THBS4: variants seen among roughly 807,000 people sequenced by gnomAD.
THBS4 encodes the protein thrombospondin-4.
THBS4 carries 90 observed loss-of-function variants against 115.7 expected under a neutral mutation model. That is an observed-to-expected ratio of 0.78 (90% confidence interval 0.66 to 0.93). THBS4 has a LOEUF of 0.93. THBS4 is among the 40% of genes least tolerant of loss of function. THBS4 has a pLI of 0.00. For missense variants in THBS4, 1,087 were observed against 1,232.7 expected, an observed-to-expected ratio of 0.88 and a Z score of 1.77; for synonymous variants, 460 against 479.3, an observed-to-expected ratio of 0.96 and a Z score of 0.53.
At chr5:80,042,926 G>T (rs980952082) in intron 2 of THBS4, among the ~76,000 whole-genome samples, 1 of 151,896 alleles carries the variant, frequency 6.6e-6, no homozygotes, top group Non-Finnish European at 1.5e-5. Flanking sequence ...AGATTGTGCC[G>T]CTGCACTCCA....
chr5:80,075,773 A>G (rs1240782800), intron 15 of THBS4, among the ~76,000 whole-genome samples: 1 of 152,226 alleles, frequency 6.6e-6, no homozygotes, highest in Non-Finnish European at 1.5e-5. Context: ...TAATGGAAAT[A>G]GCTCAGTCTT....
intron 2 of THBS4, among the ~76,000 whole-genome samples, chr5:80,012,722 A>T (rs1172910933): frequency 6.6e-6 from 1 of 152,176 alleles, no homozygotes; most frequent in Non-Finnish European, 1.5e-5. Flanking sequence ...GAGTGTCCCC[A>T]CACCAAACAC....
chr5:80,047,290 C>T (rs1397049008), intron 2 of THBS4, among the ~76,000 whole-genome samples: 1 of 152,142 alleles, frequency 6.6e-6, no homozygotes, highest in African/African-American at 2.4e-5. Flanking sequence ...GTGTCTAGTC[C>T]TGGACACATT....
chr5:80,021,836 A>T (rs1322383298), intron 2 of THBS4, among the ~76,000 whole-genome samples: 3 of 152,066 alleles, frequency 2.0e-5, no homozygotes, highest in East Asian at 1.9e-4. Flanking sequence ...TTTTCATTCA[A>T]CTTTTTTGTA....
chr5:80,040,933 ACT>A (rs17886994), intron 2 of THBS4, among the ~76,000 whole-genome samples: 2,127 of 152,026 alleles, frequency 0.014, 48 homozygotes, highest in African/African-American at 0.048. Flanking sequence ...ATAATAACCC[ACT>A]CTCTCAAGAA....
At chr5:80,047,055 G>A (rs528099946) in intron 2 of THBS4, among the ~76,000 whole-genome samples, 1 of 152,220 alleles carries the variant, frequency 6.6e-6, no homozygotes, top group Non-Finnish European at 1.5e-5. Context: ...TCTGTCCTAA[G>A]AGTTCTCTAA....
intron 4 of THBS4, 133 bp downstream of exon 4, chr5:80,058,447 C>G: frequency 1.4e-6 from 1 of 692,120 alleles, no homozygotes; most frequent in Non-Finnish European, 2.4e-6. Context: ...GAAAATCAGT[C>G]TCTTGAACAA....
intron 2 of THBS4, among the ~76,000 whole-genome samples, chr5:80,044,041 T>C (rs931613064): frequency 6.6e-6 from 1 of 152,190 alleles, no homozygotes; most frequent in African/African-American, 2.4e-5. Flanking sequence ...GTCTGCTCCC[T>C]CGACACATAT....
chr5:80,025,201 CAGAAAA>C (rs754897919), intron 2 of THBS4, among the ~76,000 whole-genome samples: 3 of 152,038 alleles, frequency 2.0e-5, no homozygotes, highest in East Asian at 3.9e-4. Flanking sequence ...TACTCTTCCA[CAGAAAA>C]AGAAAAAGAT....
rs181508529 is a variant in THBS4 at position 80,045,902 on chromosome 5, A to G, written c.292+5622A>G. Among the ~76,000 whole-genome samples, 173 of 152,286 alleles carry G rather than the reference A, an allele frequency of 1.1e-3. 3 individuals carry two copies. Among genetic ancestry groups the G allele is most frequent in the Non-Finnish European group, 2.8e-4 (19 of 68,026 alleles). On this transcript the variant is annotated intron_variant, in intron 2 of 21. Transcript: ENST00000350881. The stretch of plus-strand genomic sequence containing the variant: ...CCTATTTCCCCTTTTAACTTTCACA[A>G]TATTCCTATGACATGCCCTTGAATT...
chr5:80,059,587 T>C (rs993346484), intron 6 of THBS4, 96 bp downstream of exon 6: 9 of 1,594,882 alleles, frequency 5.6e-6, no homozygotes, highest in Non-Finnish European at 6.9e-6. Flanking sequence ...TTTCTGAAGG[T>C]CTACCACATA....
chr5:80,004,907 T>G (rs765985336), intron 2 of THBS4, among the ~76,000 whole-genome samples: 4 of 151,984 alleles, frequency 2.6e-5, no homozygotes, highest in African/African-American at 9.7e-5. Flanking sequence ...CCGGCTAATT[T>G]TTGTATTTTT....
chr5:80,049,000 A>G (rs905795994), intron 2 of THBS4, among the ~76,000 whole-genome samples: 1 of 152,192 alleles, frequency 6.6e-6, no homozygotes, highest in African/African-American at 2.4e-5. Flanking sequence ...CCATTTGCCA[A>G]ACAAAGCAAA....
At chr5:80,051,293 G>A (rs1833247951) in intron 2 of THBS4, among the ~76,000 whole-genome samples, 1 of 151,852 alleles carries the variant, frequency 6.6e-6, no homozygotes, top group African/African-American at 2.4e-5. Flanking sequence ...TGAGTTTCCT[G>A]AGCCTGCTTG....
At chr5:80,047,478 C>A (rs1434298193) in intron 2 of THBS4, among the ~76,000 whole-genome samples, 1 of 151,980 alleles carries the variant, frequency 6.6e-6, no homozygotes, top group Non-Finnish European at 1.5e-5. Flanking sequence ...AGAAGCCAGA[C>A]AGAAGACATG....
rs1476732278 is a variant in THBS4, at chr5:80,078,290, G to A, written c.2265+63G>A. 10 of 1,388,466 alleles carry A rather than the reference G, an allele frequency of 7.2e-6. No individual in the cohort carries two copies. The South Asian group carries it at 1.3e-4, about 18-fold the overall frequency. 86.0% of individuals were successfully genotyped at this position (1,388,466 alleles called of 1,614,324 possible). Reference sequence around the variant, plus strand: ...TCTCAACAGAGGCCCTTCTGATAGTGGTAGGTCATGTTTAGAGGGTGCAGA... The same window carrying A: ...TCTCAACAGAGGCCCTTCTGATAGTAGTAGGTCATGTTTAGAGGGTGCAGA... On this transcript the variant is annotated intron_variant, in intron 17 of 21. Coordinates refer to ENST00000350881, the MANE Select transcript of THBS4 (RefSeq NM_003248.6).
chr5:80,073,461 G>A (rs748809371), intron 15 of THBS4, 134 bp downstream of exon 15: 650 of 763,412 alleles, frequency 8.5e-4, no homozygotes, highest in Non-Finnish European at 1.2e-3. Flanking sequence ...TCGGCTCACT[G>A]CAAGCTCCGA....
chr5:80,075,609 C>T (rs1743169225), intron 15 of THBS4, among the ~76,000 whole-genome samples: 1 of 152,166 alleles, frequency 6.6e-6, no homozygotes, highest in African/African-American at 2.4e-5. Flanking sequence ...ACATTAATTT[C>T]TAAAATATCC....
At chr5:80,078,551 T>A (rs1743330996) in intron 17 of THBS4, among the ~76,000 whole-genome samples, 1 of 152,174 alleles carries the variant, frequency 6.6e-6, no homozygotes, top group South Asian at 2.1e-4. Context: ...CTTCTGCATA[T>A]CCTCCTCATT....
Sources: gnomAD v4.1 joint callset for allele counts (sites outside exome capture counted in the v4.1 genomes callset) on GRCh38, gnomAD v4.1.1 for gene constraint, MANE v1.5 for transcripts, NCBI Gene and HGNC (gene_info 2026-07-23, HGNC 2026-07-21) for gene names.